TRIO: variants seen among roughly 807,000 people sequenced by gnomAD.
The protein encoded by TRIO is trio Rho guanine nucleotide exchange factor, also known as triple functional domain protein.
TRIO carries 58 observed loss-of-function variants against 351.9 expected under a neutral mutation model. The observed-to-expected ratio is 0.16, with a 90% CI of 0.13 to 0.21. The LOEUF is 0.21. Ranked by LOEUF, TRIO falls within the 10% of genes least tolerant of loss-of-function variation. TRIO has a pLI of 1.00. For missense variants in TRIO, 3,201 were observed against 4,027.8 expected, an observed-to-expected ratio of 0.79 and a Z score of 5.56; for synonymous variants, 1,758 against 1,595.7, an observed-to-expected ratio of 1.10 and a Z score of -2.42.
chr5:14,164,283 G>A (rs1303596304), intron 1 of TRIO, among the ~76,000 whole-genome samples: 1 of 152,244 alleles, frequency 6.6e-6, no homozygotes, highest in Non-Finnish European at 1.5e-5. Flanking sequence ...CATTACAGGA[G>A]TGAGGGAAAT....
In TRIO at chr5:14,258,467, G is replaced by A. The variant is rs165097; in HGVS notation, c.158-12358G>A. ...TTTAATTTGGAAAACGATGTTCCCT[G>A]TGCTTTTTAGTAGATAAGATACTGA... On this transcript the variant is annotated intron_variant, in intron 1 of 56. Transcript: ENST00000344204. Among the ~76,000 whole-genome samples the A allele has an allele frequency of 8.1e-3, 1,232 of 152,264 alleles. 12 individuals are homozygous for A. The highest frequency in any genetic ancestry group is 0.028 in the African/African-American group (1,162 of 41,524).
intron 34 of TRIO, among the ~76,000 whole-genome samples, chr5:14,455,321 G>A (rs1753196990): frequency 6.6e-6 from 1 of 152,198 alleles, no homozygotes; most frequent in Non-Finnish European, 1.5e-5. Flanking sequence ...GCTGATTGGT[G>A]CGTTTACAAT....
chr5:14,244,110 AG>A (rs1290672391), intron 1 of TRIO, among the ~76,000 whole-genome samples: 1 of 152,228 alleles, frequency 6.6e-6, no homozygotes, highest in African/African-American at 2.4e-5. Context: ...GAACGTTTTG[AG>A]GTCTTTGGGT....
chr5:14,349,711 T>A (rs866435835), intron 11 of TRIO, among the ~76,000 whole-genome samples: 4 of 152,196 alleles, frequency 2.6e-5, no homozygotes, highest in African/African-American at 9.7e-5. Context: ...ATCCGTCTTT[T>A]AAAAAAATGT....
In TRIO at chr5:14,353,835, A is replaced by G. The variant is rs566134271; in HGVS notation, c.2047-4343A>G. Among the ~76,000 whole-genome samples, 4 of 152,372 alleles carry G rather than the reference A, an allele frequency of 2.6e-5. No individual in the cohort carries two copies. In the South Asian group the frequency reaches 8.3e-4, roughly 32 times the overall value. On this transcript the variant is annotated intron_variant, in intron 11 of 56. Coordinates refer to ENST00000344204, the MANE Select transcript of TRIO (RefSeq NM_007118.4). Reference sequence around the variant, plus strand: ...GAGTTGCATAGAAGCACAGCTATGTATCGTGCATCCGGCCAGTTCTGAGTC... The same window carrying G: ...GAGTTGCATAGAAGCACAGCTATGTGTCGTGCATCCGGCCAGTTCTGAGTC...
intron 9 of TRIO, among the ~76,000 whole-genome samples, chr5:14,318,279 CAAAAAAAAAAAA>C (rs759632595): frequency 8.6e-5 from 4 of 46,478 alleles, no homozygotes; most frequent in Admixed American, 5.5e-4. Context: ...GACTCTATCT[CAAAAAAAAAAAA>C]AAAAAAAAAA....
chr5:14,326,584 A>G (rs1194264433), intron 9 of TRIO, among the ~76,000 whole-genome samples: 4 of 152,180 alleles, frequency 2.6e-5, no homozygotes, highest in Non-Finnish European at 4.4e-5. Flanking sequence ...AGCCGTGGGA[A>G]GGGATCAGCT....
At chr5:14,152,340 G>A (rs1415853778) in intron 1 of TRIO, among the ~76,000 whole-genome samples, 1 of 150,918 alleles carries the variant, frequency 6.6e-6, no homozygotes, top group African/African-American at 2.4e-5. Context: ...ATCGCATGGG[G>A]GCAGGATGTA....
chr5:14,387,952 G>C lies in TRIO; in HGVS notation c.3881+105G>C, dbSNP rs1579505426. On this transcript the variant is annotated intron_variant, in intron 23 of 56. Coordinates refer to ENST00000344204, the MANE Select transcript of TRIO (RefSeq NM_007118.4). ...GTGCTTTGAAGTCACATGGCACCCAGGCTTTTTGTTGCTCTGGGTGGACTT... is the reference window on the plus strand; with the variant it reads ...GTGCTTTGAAGTCACATGGCACCCACGCTTTTTGTTGCTCTGGGTGGACTT... The C allele has an allele frequency of 3.2e-6, 4 of 1,238,504 alleles. No homozygotes were observed. The East Asian group carries it at 1.0e-4, about 31-fold the overall frequency. 76.7% of individuals were successfully genotyped at this position (1,238,504 alleles called of 1,614,324 possible).
chr5:14,188,249 G>C (rs756227331), intron 1 of TRIO, among the ~76,000 whole-genome samples: 47 of 152,228 alleles, frequency 3.1e-4, no homozygotes, highest in Non-Finnish European at 6.3e-4. Flanking sequence ...TATGATGCCA[G>C]CTAACTGTCC....
rs77814055 is a variant in TRIO, at chr5:14,394,578, G to A, written c.4311+448G>A. On this transcript the variant is annotated intron_variant, in intron 28 of 56. Coordinates refer to ENST00000344204, the MANE Select transcript of TRIO (RefSeq NM_007118.4). ...AGGCTCAGCTCAGAACACAGATCTGGCTGATGCCCAGGGCTTCCACTGAAG... is the reference window on the plus strand; with the variant it reads ...AGGCTCAGCTCAGAACACAGATCTGACTGATGCCCAGGGCTTCCACTGAAG... Among the ~76,000 whole-genome samples, 241 of 152,236 alleles carry A rather than the reference G, an allele frequency of 1.6e-3. 2 individuals are homozygous for A. Among genetic ancestry groups the A allele is most frequent in the African/African-American group, 5.1e-3 (210 of 41,536 alleles).
chr5:14,275,882 ATGTT>A (rs1561280917), intron 2 of TRIO, among the ~76,000 whole-genome samples: 12 of 145,358 alleles, frequency 8.3e-5, no homozygotes, highest in Middle Eastern at 3.6e-3. Flanking sequence ...ATATATATAT[ATGTT>A]TATATATATG....
chr5:14,265,933 A>G (rs1795643860), intron 1 of TRIO, among the ~76,000 whole-genome samples: 1 of 152,270 alleles, frequency 6.6e-6, no homozygotes, highest in Non-Finnish European at 1.5e-5. Flanking sequence ...CAAAACAAAA[A>G]TAGAAAGTAC....
At chr5:14,167,440 C>T (rs921840401) in intron 1 of TRIO, among the ~76,000 whole-genome samples, 6 of 152,016 alleles carry the variant, frequency 3.9e-5, no homozygotes, top group Non-Finnish European at 7.4e-5. Context: ...AAATCACACA[C>T]GTCAATATGA....
At chr5:14,260,108 A>G (rs1398595050) in intron 1 of TRIO, among the ~76,000 whole-genome samples, 1 of 152,230 alleles carries the variant, frequency 6.6e-6, no homozygotes, top group East Asian at 1.9e-4. Flanking sequence ...ATTATTCACT[A>G]ATGGGCTTTG....
At chr5:14,297,421 T>A (rs1737458697) in intron 7 of TRIO, 158 bp downstream of exon 7, 2 of 853,720 alleles carry the variant, frequency 2.3e-6, no homozygotes, top group Admixed American at 2.9e-5. Flanking sequence ...TCCAGCTCTT[T>A]TAGTCCTTGC....
chr5:14,239,035 T>C (rs1793964315), intron 1 of TRIO, among the ~76,000 whole-genome samples: 1 of 152,198 alleles, frequency 6.6e-6, no homozygotes, highest in African/African-American at 2.4e-5. Flanking sequence ...CCATACACGA[T>C]GGTAAGAGGT....
chr5:14,183,821 T>A (rs1789940643), intron 1 of TRIO: 1 of 634,770 alleles, frequency 1.6e-6, no homozygotes, highest in Non-Finnish European at 2.9e-6. Context: ...AGAGGTTGTT[T>A]GTTGGTGTTC....
At chr5:14,402,784 G>A (rs1393523690) in intron 31 of TRIO, among the ~76,000 whole-genome samples, 1 of 152,060 alleles carries the variant, frequency 6.6e-6, no homozygotes, top group Middle Eastern at 3.2e-3. Context: ...GGTGATGGTG[G>A]TGAGGTTGTA....
Sources: allele counts gnomAD v4.1 joint callset (sites outside exome capture counted in the v4.1 genomes callset), GRCh38; gene constraint gnomAD v4.1.1; transcripts MANE v1.5; gene names NCBI Gene and HGNC (gene_info 2026-07-23, HGNC 2026-07-21).